Variants in UGT1A9 observed in about 807,000 individuals in gnomAD.
The protein encoded by UGT1A9 is UDP-glucuronosyltransferase 1A9.
In UGT1A9, 35 loss-of-function variants were observed where a neutral mutation model predicts 45.0. That is an observed-to-expected ratio of 0.78 (90% CI 0.59 to 1.03). The LOEUF (loss-of-function observed/expected upper bound fraction) is 1.03, where lower values mean the gene tolerates loss of function less well. UGT1A9 is among the 50% of genes least tolerant of loss of function. The pLI is 0.00. For synonymous variants in UGT1A9, 278 were observed against 250.6 expected (o/e 1.11, Z -1.03); for missense variants, 687 against 666.6 (o/e 1.03, Z -0.34).
chr2:233,767,889 C>T lies in UGT1A9; in HGVS notation c.1028C>T (p.Ala343Val), dbSNP rs201372184. The change falls in exon 3 of 5, where the codon GCG becomes GTG. Residue 343 changes from alanine (A) to valine (V), a missense_variant. Ala to Val is a moderately conservative substitution (Grantham distance 64). Transcript: ENST00000354728. The part of the protein sequence containing the change: ...RYTGTRPSNL[A>V]NNTILVKWLP... Reference sequence around the variant, plus strand: ...ACTGGAACCCGACCATCGAATCTTGCGAACAACACGATACTTGTTAAGTGG... The same window carrying T: ...ACTGGAACCCGACCATCGAATCTTGTGAACAACACGATACTTGTTAAGTGG... 8.3e-5 allele frequency: 134 copies of T among 1,614,018 alleles called. No homozygotes were observed. Among genetic ancestry groups the T allele is most frequent in the Middle Eastern group, 1.6e-4 (1 of 6,084 alleles).
chr2:233,728,573 C>T (rs183295666), intron 1 of UGT1A9, among the ~76,000 whole-genome samples: 6 of 152,150 alleles, frequency 3.9e-5, no homozygotes, highest in Non-Finnish European at 7.3e-5. Flanking sequence ...TATCCTGGTG[C>T]GAAAAACGAC....
In UGT1A9 at chr2:233,754,904, A is replaced by C. The variant is rs113535606; in HGVS notation, c.856-12130A>C. On this transcript the variant is annotated intron_variant, in intron 1 of 4. Coordinates refer to ENST00000354728, the MANE Select transcript of UGT1A9 (RefSeq NM_021027.3). ...CCAGGGAGTTCCTCTGACCCCCCAA[A>C]ATATTCTCCAGCGGGTTTCCCAAGA... 1.2e-5 allele frequency: 16 copies of C among 1,351,372 alleles called. No homozygotes were observed. In the African/African-American group the frequency reaches 1.3e-4, roughly 11 times the overall value. The allele number at this position is 1,351,372 out of a possible 1,614,324, so 83.7% of individuals were successfully genotyped here. A position where few individuals can be genotyped will look rare whatever the true frequency, so the allele number is the denominator to read the frequency against.
intron 1 of UGT1A9, chr2:233,761,102 T>A: frequency 6.2e-7 from 1 of 1,614,234 alleles, no homozygotes; most frequent in Non-Finnish European, 8.5e-7. Context: ...ATGCCCAATA[T>A]GGTTTTTGTT....
chr2:233,704,701 T>C (rs960587846), intron 1 of UGT1A9, among the ~76,000 whole-genome samples: 4 of 152,232 alleles, frequency 2.6e-5, no homozygotes, highest in Non-Finnish European at 5.9e-5. Flanking sequence ...TGGTATCATT[T>C]CTTAGCCCAA....
chr2:233,731,334 T>C (rs1331182525), intron 1 of UGT1A9, among the ~76,000 whole-genome samples: 1 of 151,782 alleles, frequency 6.6e-6, no homozygotes, highest in African/African-American at 2.4e-5. Context: ...TGTGCACAAA[T>C]TGCAGGTTTG....
chr2:233,693,146 GT>G, intron 1 of UGT1A9: 1 of 1,614,204 alleles, frequency 6.2e-7, no homozygotes, highest in Non-Finnish European at 8.5e-7. Context: ...TATAGTTGAG[GT>G]TCTCAGTGAC....
intron 1 of UGT1A9, chr2:233,730,086 CTTTCCAAATATTTCA>C: frequency 1.2e-6 from 2 of 1,600,798 alleles, no homozygotes; most frequent in Non-Finnish European, 1.7e-6. Flanking sequence ...ATTTACTTAT[CTTTCCAAATATTTCA>C]TTTCTGCTTC....
chr2:233,754,940 G>C (rs777236330), intron 1 of UGT1A9: 1 of 1,335,680 alleles, frequency 7.5e-7, no homozygotes, highest in Admixed American at 1.9e-5. Flanking sequence ...GGTCAAAGGA[G>C]AATGGGTCCC....
At chr2:233,767,763 C>T (rs34082659) in intron 2 of UGT1A9, 86 bp from the exon 3 acceptor site, 28,610 of 1,607,468 alleles carry the variant, frequency 0.018, 380 homozygotes, top group Admixed American at 0.044. Flanking sequence ...CTTCAGAGGA[C>T]CCCTGTTTTC....
At chr2:233,727,741 T>C (rs1184923085) in intron 1 of UGT1A9, among the ~76,000 whole-genome samples, 1 of 152,232 alleles carries the variant, frequency 6.6e-6, no homozygotes, top group Non-Finnish European at 1.5e-5. Flanking sequence ...TGTGCCATCC[T>C]GCGTGTGCTG....
At chr2:233,677,972 T>C (rs140519008) in intron 1 of UGT1A9, among the ~76,000 whole-genome samples, 4 of 152,214 alleles carry the variant, frequency 2.6e-5, no homozygotes, top group Non-Finnish European at 1.5e-5. Context: ...ACATACTCCA[T>C]GGAATATGCA....
At chr2:233,721,043 C>A (rs556501874) in intron 1 of UGT1A9, among the ~76,000 whole-genome samples, 1 of 152,048 alleles carries the variant, frequency 6.6e-6, no homozygotes, top group African/African-American at 2.4e-5. Context: ...AGAATTGAGC[C>A]CTTTTTTGTC....
intron 1 of UGT1A9, chr2:233,693,828 G>A: frequency 6.2e-7 from 1 of 1,614,144 alleles, no homozygotes; most frequent in Non-Finnish European, 8.5e-7. Context: ...GTCTTCATTG[G>A]AGGTATCAAC....
intron 1 of UGT1A9, among the ~76,000 whole-genome samples, chr2:233,706,676 C>T (rs2075918998): frequency 6.6e-6 from 1 of 152,132 alleles, no homozygotes; most frequent in African/African-American, 2.4e-5. Context: ...TTCTACTCCC[C>T]ACCCCACTCC....
intron 1 of UGT1A9, among the ~76,000 whole-genome samples, chr2:233,759,541 C>T (rs1020987350): frequency 6.6e-6 from 1 of 152,092 alleles, no homozygotes; most frequent in Admixed American, 6.6e-5. Context: ...TGTTCACATG[C>T]GCTCCAGTGA....
intron 1 of UGT1A9, among the ~76,000 whole-genome samples, chr2:233,720,140 G>T (rs527690030): frequency 5.9e-5 from 9 of 152,254 alleles, no homozygotes; most frequent in African/African-American, 2.2e-4. Context: ...GGAGACCTAG[G>T]CACTCACAGG....
chr2:233,718,674 T>C, intron 1 of UGT1A9: 1 of 1,557,312 alleles, frequency 6.4e-7, no homozygotes, highest in South Asian at 1.2e-5. Context: ...GATTAATGGG[T>C]AATAAGTAAC....
chr2:233,722,763 C>A (rs370007116), intron 1 of UGT1A9, among the ~76,000 whole-genome samples: 2 of 151,548 alleles, frequency 1.3e-5, no homozygotes, highest in African/African-American at 4.9e-5. Context: ...AAGGCTGTTA[C>A]CTAATTCTGA....
At chr2:233,743,677 G>A (rs1026564745) in intron 1 of UGT1A9, 2 of 1,367,100 alleles carry the variant, frequency 1.5e-6, no homozygotes, top group African/African-American at 1.5e-5. Flanking sequence ...CGAAGGGCCT[G>A]CCGCCTGTGC....
Sources: allele counts gnomAD v4.1 joint callset (sites outside exome capture counted in the v4.1 genomes callset), GRCh38; gene constraint gnomAD v4.1.1; transcripts MANE v1.5; gene names NCBI Gene and HGNC (gene_info 2026-07-23, HGNC 2026-07-21).